Variants in DGKH observed in about 807,000 individuals in gnomAD.
DGKH encodes the protein DAG kinase eta.
A neutral mutation model predicts 159.3 loss-of-function variants in DGKH; 90 were observed. That is an observed-to-expected ratio of 0.57 (90% CI 0.48 to 0.67). The LOEUF is 0.67. Among genes scored for constraint, DGKH ranks in the 30% least tolerant of loss-of-function variants. DGKH has a pLI of 0.00. For synonymous variants in DGKH, 536 were observed against 553.8 expected, an observed-to-expected ratio of 0.97 and a Z score of 0.45; for missense variants, 1,181 against 1,506.1, an observed-to-expected ratio of 0.78 and a Z score of 3.57.
chr13:42,238,380 T>C lies in DGKH; in HGVS notation c.*9192T>C, dbSNP rs1421623583. 11 of 152,200 alleles carry C rather than the reference T, an allele frequency of 7.2e-5. No individual in the cohort carries two copies. The highest frequency in any genetic ancestry group is 1.3e-4 in the Admixed American group (2 of 15,272). The allele number at this position is 152,200 out of a possible 1,614,324, so 9.4% of individuals were successfully genotyped here. A position where few individuals can be genotyped will look rare whatever the true frequency, so the allele number is the denominator to read the frequency against. The stretch of plus-strand genomic sequence containing the variant: ...TATATTACATGTTCATATTATTCAT[T>C]TTAGGATAGGCCAAAACTCACTTCT... On this transcript the variant is annotated 3_prime_UTR_variant, in exon 30 of 30. Transcript: ENST00000337343.
intron 1 of DGKH, among the ~76,000 whole-genome samples, chr13:42,115,105 G>T (rs148035703): frequency 1.3e-5 from 2 of 152,300 alleles, no homozygotes; most frequent in Non-Finnish European, 2.9e-5. Flanking sequence ...TGGTGGAGGC[G>T]GAAGTGGAAC....
rs59986970 is a variant in DGKH at position 42,207,070 on chromosome 13, T to C, written c.2601+924T>C. Among the ~76,000 whole-genome samples, 656 of 112,518 alleles carry C rather than the reference T, an allele frequency of 5.8e-3. 115 individuals are homozygous for C. The highest frequency in any genetic ancestry group is 0.015 in the Middle Eastern group (4 of 262). The allele number at this position is 112,518 out of a possible 152,430, so 73.8% of individuals were successfully genotyped here. ...CTTTCCTTCTTTCCTTCCTTCTTTC[T>C]TTCTTTCTTTCTTTCTTTCTTTCTT... On this transcript the variant is annotated intron_variant, in intron 21 of 29. Coordinates refer to ENST00000337343, the MANE Select transcript of DGKH (RefSeq NM_178009.5).
At chr13:42,170,400 G>A (rs1956419706) in intron 11 of DGKH, among the ~76,000 whole-genome samples, 3 of 152,052 alleles carry the variant, frequency 2.0e-5, no homozygotes, top group Non-Finnish European at 4.4e-5. Context: ...GCGACAGAGT[G>A]AGACCCTGTC....
At chr13:42,190,613 A>G in intron 16 of DGKH, 88 bp downstream of exon 16, 2 of 1,336,836 alleles carry the variant, frequency 1.5e-6, no homozygotes, top group South Asian at 3.0e-5. Context: ...TTTGAAAAAA[A>G]CTATTTGTAT....
At chr13:42,069,275 G>T in intron 1 of DGKH, 1 of 1,070,036 alleles carries the variant, frequency 9.3e-7, no homozygotes, top group Non-Finnish European at 1.4e-6. Context: ...ACTGATTTAT[G>T]AGAAAACAGT....
intron 1 of DGKH, among the ~76,000 whole-genome samples, chr13:42,078,570 G>A (rs1476593868): frequency 6.6e-6 from 1 of 152,148 alleles, no homozygotes; most frequent in Admixed American, 6.5e-5. Flanking sequence ...GGGAAATGGA[G>A]TTTTTAGCTT....
chr13:42,162,347 C>T (rs1314000405), intron 7 of DGKH, among the ~76,000 whole-genome samples: 1 of 152,040 alleles, frequency 6.6e-6, no homozygotes, highest in Admixed American at 6.5e-5. Context: ...CCCATCTGTA[C>T]TAAAAATACA....
At position 42,166,645 on chromosome 13, in the gene DGKH, T is replaced by A; in HGVS notation, c.1089T>A (p.Phe363Leu). 1 of 1,602,208 alleles carries A rather than the reference T, an allele frequency of 6.2e-7. No individual in the cohort carries two copies. The highest frequency in any genetic ancestry group is 8.5e-7 in the Non-Finnish European group (1 of 1,175,080). The stretch of plus-strand genomic sequence containing the variant: ...AGTTGCTAAATCCGGCTCAGGTGTT[T>A]GATTTAATGAATGGAGGTCCTCATT... ...FKQLLNPAQV[F>L]DLMNGGPHLG... The change falls in exon 9 of 30, where the codon TTT becomes TTA. Residue 363 changes from phenylalanine to leucine, a missense_variant. Coordinates refer to ENST00000337343, the MANE Select transcript of DGKH (RefSeq NM_178009.5).
intron 5 of DGKH, among the ~76,000 whole-genome samples, chr13:42,158,628 T>C (rs1432791505): frequency 6.6e-6 from 1 of 152,188 alleles, no homozygotes; most frequent in East Asian, 1.9e-4. Context: ...CATCACTTCA[T>C]CATCCCTTCT....
chr13:42,069,399 A>C, intron 1 of DGKH: 2 of 1,533,084 alleles, frequency 1.3e-6, no homozygotes, highest in Non-Finnish European at 1.8e-6. Context: ...CTTTGATATC[A>C]AACTTTTCAA....
chr13:42,223,007 T>A (rs1430918285), intron 29 of DGKH, among the ~76,000 whole-genome samples: 1 of 152,208 alleles, frequency 6.6e-6, no homozygotes, highest in Non-Finnish European at 1.5e-5. Flanking sequence ...TTTGTTCTGT[T>A]TTGTTTTTAT....
At chr13:42,121,733 A>C (rs761544364) in intron 1 of DGKH, among the ~76,000 whole-genome samples, 1 of 152,228 alleles carries the variant, frequency 6.6e-6, no homozygotes, top group South Asian at 2.1e-4. Context: ...ACATGAGACT[A>C]TAGCATGGGG....
rs899229850 is a variant in DGKH at position 42,178,372 on chromosome 13, A to G, written c.1538+152A>G. On this transcript the variant is annotated intron_variant, in intron 13 of 29. Coordinates refer to ENST00000337343, the MANE Select transcript of DGKH (RefSeq NM_178009.5). ...ATGTACTAAATTTGAATTGATTTTT[A>G]AAAATCATGTTAGCATCTTATTTGC... 1.6e-5 allele frequency: 9 copies of G among 567,428 alleles called. No homozygotes were observed. The African/African-American group carries it at 1.7e-4, about 11-fold the overall frequency. 35.1% of individuals were successfully genotyped at this position (567,428 alleles called of 1,614,324 possible). A position where few individuals can be genotyped will look rare whatever the true frequency, so the allele number is the denominator to read the frequency against.
At position 42,061,986 on chromosome 13, in the gene DGKH, T is replaced by G. The variant is rs949829068; in HGVS notation, c.192+13021T>G. On this transcript the variant is annotated intron_variant, in intron 1 of 29. Coordinates refer to ENST00000337343, the MANE Select transcript of DGKH (RefSeq NM_178009.5). ...GGGAGAAAGATGGAGAGTGTGTGTGTGGGTGTGTGTGTGTGTGTGTGTGTA... is the reference window on the plus strand; with the variant it reads ...GGGAGAAAGATGGAGAGTGTGTGTGGGGGTGTGTGTGTGTGTGTGTGTGTA... 2.2e-5 allele frequency among the ~76,000 whole-genome samples: 3 copies of G among 139,074 alleles called. No homozygotes were observed. The East Asian group carries it at 6.6e-4, about 31-fold the overall frequency. 91.2% of individuals were successfully genotyped at this position (139,074 alleles called of 152,430 possible).
At chr13:42,106,337 A>G (rs114619477) in intron 1 of DGKH, among the ~76,000 whole-genome samples, 53 of 152,268 alleles carry the variant, frequency 3.5e-4, no homozygotes, top group African/African-American at 1.3e-3. Context: ...AGGCATCTGG[A>G]TGAAGTCATC....
chr13:42,159,242 C>CTATTTT, intron 5 of DGKH, 24 bp from the exon 6 acceptor site: 1 of 159,042 alleles, frequency 6.3e-6, no homozygotes, highest in Non-Finnish European at 1.0e-5. Flanking sequence ...AAAGCAGTTG[C>CTATTTT]TCTTTTTTTT....
At chr13:42,124,035 G>A (rs978706461) in intron 1 of DGKH, among the ~76,000 whole-genome samples, 2 of 152,144 alleles carry the variant, frequency 1.3e-5, no homozygotes, top group African/African-American at 4.8e-5. Flanking sequence ...ATATGATCAT[G>A]ATATCTCAAT....
At chr13:42,209,161 C>T in intron 22 of DGKH, 89 bp downstream of exon 22, 6 of 1,352,000 alleles carry the variant, frequency 4.4e-6, no homozygotes, top group Non-Finnish European at 6.1e-6. Flanking sequence ...ACTGGATATT[C>T]ATCTATAATA....
chr13:42,051,728 C>T (rs534149538), intron 1 of DGKH, among the ~76,000 whole-genome samples: 7 of 124,710 alleles, frequency 5.6e-5, no homozygotes, highest in Middle Eastern at 6.8e-3. Context: ...GGTGTGATCT[C>T]GGCTCACTGC....
Sources: allele counts gnomAD v4.1 joint callset (sites outside exome capture counted in the v4.1 genomes callset), GRCh38; gene constraint gnomAD v4.1.1; transcripts MANE v1.5; gene names NCBI Gene and HGNC (gene_info 2026-07-23, HGNC 2026-07-21).